Variants in LRFN2 observed in about 807,000 individuals in gnomAD.
The protein encoded by LRFN2 is leucine-rich repeat and fibronectin type-III domain-containing protein 2.
In LRFN2, 18 loss-of-function variants were observed where a neutral mutation model predicts 37.3. The ratio of observed to expected loss-of-function variants is 0.48; its 90% CI spans 0.33 to 0.72. LRFN2 has a LOEUF of 0.72. Among genes scored for constraint, LRFN2 ranks in the 30% least tolerant of loss-of-function variants. The probability of loss-of-function intolerance (pLI) is 0.02; values close to 1 mark genes in which losing one functional copy is unlikely to be tolerated. For missense variants in LRFN2, 1,006 were observed against 1,060.7 expected (o/e 0.95, Z 0.72); for synonymous variants, 556 against 466.6 (o/e 1.19, Z -2.47).
intron 1 of LRFN2, among the ~76,000 whole-genome samples, chr6:40,503,944 G>A (rs1765457220): frequency 2.0e-5 from 3 of 151,294 alleles, no homozygotes; most frequent in Admixed American, 2.0e-4. Flanking sequence ...GGCTGGAGGA[G>A]TTATGGAATG....
At chr6:40,501,122 C>T (rs193136710) in intron 1 of LRFN2, among the ~76,000 whole-genome samples, 109 of 151,428 alleles carry the variant, frequency 7.2e-4, no homozygotes, top group African/African-American at 2.3e-3. Context: ...TCTCTTCATA[C>T]GCAGGTCATA....
At chr6:40,539,293 A>C (rs1766508620) in intron 1 of LRFN2, among the ~76,000 whole-genome samples, 1 of 151,994 alleles carries the variant, frequency 6.6e-6, no homozygotes, top group Non-Finnish European at 1.5e-5. Context: ...TCTTGTCAAC[A>C]CTGTCTCAGA....
At chr6:40,447,778 G>T (rs1764005333) in intron 1 of LRFN2, among the ~76,000 whole-genome samples, 1 of 152,050 alleles carries the variant, frequency 6.6e-6, no homozygotes, top group South Asian at 2.1e-4. Flanking sequence ...GATGTACTCT[G>T]GGTGGCCTAC....
chr6:40,493,533 A>G (rs987540693), intron 1 of LRFN2, among the ~76,000 whole-genome samples: 3 of 152,118 alleles, frequency 2.0e-5, no homozygotes, highest in Non-Finnish European at 4.4e-5. Context: ...GCCCATACAG[A>G]GTCTGTCTAG....
intron 1 of LRFN2, among the ~76,000 whole-genome samples, chr6:40,529,261 C>T (rs1766307298): frequency 1.3e-5 from 2 of 152,118 alleles, no homozygotes; most frequent in South Asian, 4.1e-4. Context: ...TTGCATAACC[C>T]TGGACTGAAT....
intron 1 of LRFN2, among the ~76,000 whole-genome samples, chr6:40,471,069 C>G (rs1764584939): frequency 6.6e-6 from 1 of 152,038 alleles, no homozygotes; most frequent in Admixed American, 6.6e-5. Flanking sequence ...GCGTGGGGGG[C>G]AGTGGCTGAG....
intron 1 of LRFN2, among the ~76,000 whole-genome samples, chr6:40,508,689 A>G (rs6927095): frequency 0.022 from 3,335 of 152,358 alleles, 99 homozygotes; most frequent in African/African-American, 0.076. Flanking sequence ...GTAGTAAAAG[A>G]CTTAATACAT....
At chr6:40,412,618 G>C (rs1181060705) in intron 2 of LRFN2, among the ~76,000 whole-genome samples, 1 of 152,146 alleles carries the variant, frequency 6.6e-6, no homozygotes, top group Admixed American at 6.5e-5. Flanking sequence ...CTGACACCGT[G>C]AGGCATTCGA....
chr6:40,457,599 T>C (rs1242245061), intron 1 of LRFN2, among the ~76,000 whole-genome samples: 1 of 133,898 alleles, frequency 7.5e-6, no homozygotes, highest in Non-Finnish European at 1.5e-5. Context: ...TGATCATACC[T>C]CTGCACTCCA....
At chr6:40,535,311 A>G (rs1766427588) in intron 1 of LRFN2, among the ~76,000 whole-genome samples, 1 of 152,154 alleles carries the variant, frequency 6.6e-6, no homozygotes. Context: ...CATCATTATC[A>G]TGACTATTAT....
intron 2 of LRFN2, among the ~76,000 whole-genome samples, chr6:40,415,210 T>TTTTTA (rs1554132835): frequency 6.7e-6 from 1 of 150,050 alleles, no homozygotes; most frequent in Non-Finnish European, 1.5e-5. Flanking sequence ...CTTTTACTTG[T>TTTTTA]TTTTGTTTTG....
intron 1 of LRFN2, among the ~76,000 whole-genome samples, chr6:40,578,843 T>G (rs965238227): frequency 6.6e-6 from 1 of 152,146 alleles, no homozygotes; most frequent in Non-Finnish European, 1.5e-5. Context: ...AATAACCCAC[T>G]CAAGTTCACA....
intron 1 of LRFN2, among the ~76,000 whole-genome samples, chr6:40,564,785 T>C (rs79984974): frequency 6.6e-5 from 10 of 152,160 alleles, no homozygotes; most frequent in Admixed American, 1.3e-4. Context: ...TAACAGCCCA[T>C]GATGCCCTAC....
chr6:40,476,836 G>A (rs562712292), intron 1 of LRFN2, among the ~76,000 whole-genome samples: 43 of 152,332 alleles, frequency 2.8e-4, no homozygotes, highest in South Asian at 2.3e-3. Context: ...TGGCCCAATG[G>A]ACATCTTCTG....
At chr6:40,418,148 C>T (rs986359281) in intron 2 of LRFN2, among the ~76,000 whole-genome samples, 1 of 152,186 alleles carries the variant, frequency 6.6e-6, no homozygotes, top group Non-Finnish European at 1.5e-5. Flanking sequence ...CACTCTTCCT[C>T]CAGAGGCACT....
chr6:40,513,068 G>A (rs527797172), intron 1 of LRFN2, among the ~76,000 whole-genome samples: 5 of 152,312 alleles, frequency 3.3e-5, no homozygotes, highest in South Asian at 2.1e-4. Flanking sequence ...CTGCTGGGAC[G>A]CAGAGGTAGG....
At chr6:40,463,667 TCTA>T (rs376675588) in intron 1 of LRFN2, among the ~76,000 whole-genome samples, 9,788 of 132,990 alleles carry the variant, frequency 0.074, 585 homozygotes, top group East Asian at 0.12. Context: ...TTTCTTTCTT[TCTA>T]TTTTTTTTTT....
At chr6:40,502,098 C>T (rs1187924754) in intron 1 of LRFN2, 2 of 152,176 alleles carry the variant, frequency 1.3e-5, no homozygotes, top group Non-Finnish European at 2.9e-5. Context: ...TTCTGTAGGG[C>T]CTTGCTGGGT....
At chr6:40,567,266 G>A (rs1356872460) in intron 1 of LRFN2, among the ~76,000 whole-genome samples, 7 of 152,140 alleles carry the variant, frequency 4.6e-5, no homozygotes, top group African/African-American at 1.7e-4. Flanking sequence ...ATTCCAATGA[G>A]GAAAGAAAAA....
Sources: gnomAD v4.1 joint callset for allele counts (sites outside exome capture counted in the v4.1 genomes callset) on GRCh38, gnomAD v4.1.1 for gene constraint, MANE v1.5 for transcripts, NCBI Gene and HGNC (gene_info 2026-07-23, HGNC 2026-07-21) for gene names.